Variants in SFI1 observed in about 807,000 individuals in gnomAD.
SFI1 encodes protein SFI1 homolog.
A neutral mutation model predicts 207.5 loss-of-function variants in SFI1; 195 were observed. The observed-to-expected ratio is 0.94, with a 90% confidence interval of 0.84 to 1.06. The LOEUF (loss-of-function observed/expected upper bound fraction) is 1.06, where lower values mean the gene tolerates loss of function less well. SFI1 is among the 50% of genes least tolerant of loss of function. The pLI, the probability that SFI1 is intolerant of heterozygous loss-of-function variation, is 0.00. For synonymous variants in SFI1, 630 were observed against 598.9 expected, an observed-to-expected ratio of 1.05 and a Z score of -0.76; for missense variants, 1,634 against 1,588.0, an observed-to-expected ratio of 1.03 and a Z score of -0.49.
chr22:31,516,203 T>G (rs1423139366), intron 2 of SFI1, among the ~76,000 whole-genome samples: 1 of 152,194 alleles, frequency 6.6e-6, no homozygotes, highest in East Asian at 1.9e-4. Context: ...TCTTCATCAT[T>G]TGATGAATTA....
At chr22:31,563,238 C>G (rs1214129242) in intron 8 of SFI1, among the ~76,000 whole-genome samples, 2 of 152,098 alleles carry the variant, frequency 1.3e-5, no homozygotes, top group African/African-American at 2.4e-5. Context: ...GGCAATCTGC[C>G]TGCCTCAGCC....
At chr22:31,553,529 ATTT>A (rs71202096) in intron 6 of SFI1, among the ~76,000 whole-genome samples, 2,569 of 82,580 alleles carry the variant, frequency 0.031, 74 homozygotes, top group African/African-American at 0.11. Context: ...TAATTTTTGT[ATTT>A]TTTTTTTTTT....
chr22:31,616,974 A>C, intron 30 of SFI1, 26 bp from the exon 31 acceptor site: 1 of 1,614,008 alleles, frequency 6.2e-7, no homozygotes, highest in Non-Finnish European at 8.5e-7. Flanking sequence ...AAATAGTCTG[A>C]AACAAGCTTA....
At chr22:31,498,268 C>G (rs1243294617) in intron 1 of SFI1, among the ~76,000 whole-genome samples, 2 of 123,740 alleles carry the variant, frequency 1.6e-5, no homozygotes, top group Admixed American at 1.5e-4. Context: ...GCACTCCAGC[C>G]TGGGCGACAG....
chr22:31,616,867 T>G lies in SFI1; in HGVS notation c.3423T>G (p.Leu1141=). The G allele has an allele frequency of 6.2e-7, 1 of 1,611,204 alleles. No individual in the cohort carries two copies. The part of the protein sequence containing the change: ...DFSATRAGPG[L]STAGSLDLEA... ...CAGCCACCAGGGCTGGGCCTGGACT[T>G]TCAACTGCAGGTGTGTACCTGGGGC... Residue 1141 remains leucine (L), a synonymous_variant, in exon 30 of 33, where the codon CTT becomes CTG. Coordinates refer to ENST00000400288, the MANE Select transcript of SFI1 (RefSeq NM_001007467.3).
chr22:31,610,742 GC>G (rs2069949300), intron 22 of SFI1, among the ~76,000 whole-genome samples: 1 of 152,198 alleles, frequency 6.6e-6, no homozygotes, highest in African/African-American at 2.4e-5. Context: ...AAAACAGGCT[GC>G]CCTCTCTTCC....
At chr22:31,602,101 A>C in intron 15 of SFI1, 111 bp from the exon 16 acceptor site, 1 of 915,018 alleles carries the variant, frequency 1.1e-6, no homozygotes, top group African/African-American at 1.6e-5. Flanking sequence ...TTCACCTCTT[A>C]TACGATAGCA....
At chr22:31,545,574 A>AATTTAATTTTATTTT (rs1555983935) in intron 4 of SFI1, among the ~76,000 whole-genome samples, 2 of 130,956 alleles carry the variant, frequency 1.5e-5, no homozygotes, top group African/African-American at 7.6e-5. Flanking sequence ...AATTTAATTT[A>AATTTAATTTTATTTT]ATTTAATTTA....
In SFI1 at chr22:31,618,245, C is replaced by G. The variant is rs775947416; in HGVS notation, c.3624+19C>G. 1 of 1,596,504 alleles carries G rather than the reference C, an allele frequency of 6.3e-7. No homozygotes were observed. The highest frequency in any genetic ancestry group is 8.5e-7 in the Non-Finnish European group (1 of 1,172,760). On this transcript the variant is annotated intron_variant, in intron 32 of 32. Coordinates refer to ENST00000400288, the MANE Select transcript of SFI1 (RefSeq NM_001007467.3). Reference sequence around the variant, plus strand: ...GGAACAGGTGAGGCCCCAGGCCATCCCCAGGTGTCCCTGGGGACGCCCCGG... The same window carrying G: ...GGAACAGGTGAGGCCCCAGGCCATCGCCAGGTGTCCCTGGGGACGCCCCGG...
At chr22:31,502,666 G>A (rs1034012889) in intron 1 of SFI1, among the ~76,000 whole-genome samples, 1 of 152,068 alleles carries the variant, frequency 6.6e-6, no homozygotes, top group Non-Finnish European at 1.5e-5. Context: ...GAGCCACTGC[G>A]CCCGGCCAGG....
At chr22:31,501,389 T>G (rs540004678) in intron 1 of SFI1, among the ~76,000 whole-genome samples, 1 of 151,688 alleles carries the variant, frequency 6.6e-6, no homozygotes, top group South Asian at 2.1e-4. Flanking sequence ...GCCAGGATGG[T>G]CTCGATCTCC....
chr22:31,520,243 C>T (rs1204200321), intron 2 of SFI1, among the ~76,000 whole-genome samples: 1 of 152,010 alleles, frequency 6.6e-6, no homozygotes, highest in East Asian at 1.9e-4. Flanking sequence ...CACTGACTGC[C>T]CCTCAGAGAG....
At chr22:31,498,191 A>T (rs1245587838) in intron 1 of SFI1, among the ~76,000 whole-genome samples, 1 of 152,154 alleles carries the variant, frequency 6.6e-6, no homozygotes, top group African/African-American at 2.4e-5. Context: ...GCTACTGGGG[A>T]GGCTGAGGCA....
chr22:31,514,658 G>A (rs2056219199), intron 2 of SFI1, among the ~76,000 whole-genome samples: 1 of 151,814 alleles, frequency 6.6e-6, no homozygotes, highest in African/African-American at 2.4e-5. Context: ...AATTATTTTA[G>A]ATTCCACATA....
intron 4 of SFI1, 119 bp downstream of exon 4, chr22:31,531,248 G>C (rs1235788552): frequency 6.7e-6 from 5 of 747,578 alleles, no homozygotes; most frequent in Non-Finnish European, 1.1e-5. Flanking sequence ...CCAGCCTCCA[G>C]TAGGTAGAAG....
rs1339997226 is a variant in SFI1, at chr22:31,613,813, C to T, written c.2954C>T (p.Ala985Val). Residue 985 changes from alanine to valine, a missense_variant, in exon 27 of 33, where the codon GCT becomes GTT. By Grantham distance (64) the Ala-to-Val change is moderately conservative (BLOSUM62 0). Coordinates refer to ENST00000400288, the MANE Select transcript of SFI1 (RefSeq NM_001007467.3). ...CCACAGGCTTCTCGGCCTCTGGGAG[C>T]TCTGGGCCGCCTGGCTGCTGAGGAG... The part of the protein sequence containing the change: ...KRPQASRPLG[A>V]LGRLAAEEPH... 6.2e-7 allele frequency: 1 copy of T among 1,610,302 alleles called. No homozygotes were observed. The highest frequency in any genetic ancestry group is 1.7e-5 in the Admixed American group (1 of 59,712).
At chr22:31,577,521 C>A (rs1027694915) in intron 10 of SFI1, among the ~76,000 whole-genome samples, 1 of 152,146 alleles carries the variant, frequency 6.6e-6, no homozygotes, top group Non-Finnish European at 1.5e-5. Context: ...AATCCTCCCC[C>A]CTCAGCCTAC....
intron 20 of SFI1, 40 bp downstream of exon 20, chr22:31,604,985 C>A: frequency 6.5e-7 from 1 of 1,536,012 alleles, no homozygotes; most frequent in Non-Finnish European, 8.8e-7. Context: ...AGCTGGGGAA[C>A]AAGGAATGCA....
At chr22:31,575,192 C>A in intron 9 of SFI1, 39 bp from the exon 10 acceptor site, 2 of 1,533,844 alleles carry the variant, frequency 1.3e-6, no homozygotes, top group Middle Eastern at 1.8e-4. Context: ...GCTCATCTAA[C>A]CTTAGGGGAG....
Sources: gnomAD v4.1 joint callset for allele counts (sites outside exome capture counted in the v4.1 genomes callset) on GRCh38, gnomAD v4.1.1 for gene constraint, MANE v1.5 for transcripts, NCBI Gene and HGNC (gene_info 2026-07-23, HGNC 2026-07-21) for gene names.